Variants in PTPRD observed in about 807,000 individuals in gnomAD.
PTPRD encodes protein tyrosine phosphatase receptor type D.
Under a neutral mutation model 214.5 loss-of-function variants are expected in PTPRD, and 34 were observed. The ratio of observed to expected loss-of-function variants is 0.16; its 90% CI spans 0.12 to 0.21. PTPRD has a LOEUF of 0.21. Among genes scored for constraint, PTPRD ranks in the 10% least tolerant of loss-of-function variants. PTPRD has a pLI of 1.00. For synonymous variants in PTPRD, 1,128 were observed against 845.7 expected (o/e 1.33, Z -5.79); for missense variants, 2,545 against 2,398.7 (o/e 1.06, Z -1.27).
chr9:8,322,732 C>A (rs909529241), intron 44 of PTPRD, among the ~76,000 whole-genome samples: 2 of 152,088 alleles, frequency 1.3e-5, no homozygotes, highest in African/African-American at 4.8e-5. Flanking sequence ...AAGGTGGCTA[C>A]ATTAAAAAAG....
chr9:10,404,090 T>C (rs2098322503), intron 2 of PTPRD, among the ~76,000 whole-genome samples: 1 of 151,728 alleles, frequency 6.6e-6, no homozygotes, highest in African/African-American at 2.4e-5. Flanking sequence ...TACGTGAAGG[T>C]AGACAGTGTA....
At chr9:10,248,523 AAAAT>A (rs1564778872) in intron 3 of PTPRD, among the ~76,000 whole-genome samples, 5,115 of 41,210 alleles carry the variant, frequency 0.12, 206 homozygotes, top group East Asian at 0.21. Flanking sequence ...AAAAAAAAAA[AAAAT>A]AAAAAAAATA....
At chr9:8,728,459 A>G (rs1373526427) in intron 12 of PTPRD, among the ~76,000 whole-genome samples, 2 of 152,046 alleles carry the variant, frequency 1.3e-5, no homozygotes, top group African/African-American at 2.4e-5. Context: ...CAGTCTCCCA[A>G]TGTGCTGGAA....
In PTPRD at chr9:8,666,817, G is replaced by C. The variant is rs1020199703; in HGVS notation, c.65-29973C>G. 3.3e-5 allele frequency among the ~76,000 whole-genome samples: 5 copies of C among 152,090 alleles called. No homozygotes were observed. In the South Asian group the frequency reaches 6.2e-4, roughly 19 times the overall value. On this transcript the variant is annotated intron_variant, in intron 12 of 45. Coordinates refer to ENST00000381196, the MANE Select transcript of PTPRD (RefSeq NM_002839.4). ...CCTCGAGTGAATGCTACACCACCTGGATTCAACAATACATATCACTTTGGC... is the reference window on the plus strand; with the variant it reads ...CCTCGAGTGAATGCTACACCACCTGCATTCAACAATACATATCACTTTGGC...
At chr9:9,964,006 A>T (rs1430367574) in intron 4 of PTPRD, among the ~76,000 whole-genome samples, 1 of 152,146 alleles carries the variant, frequency 6.6e-6, no homozygotes, top group East Asian at 1.9e-4. Flanking sequence ...TCAGAGATTT[A>T]AAATGTGTAT....
chr9:8,647,277 T>C (rs990226082), intron 12 of PTPRD, among the ~76,000 whole-genome samples: 1 of 152,264 alleles, frequency 6.6e-6, no homozygotes, highest in African/African-American at 2.4e-5. Context: ...ACTTTACTCT[T>C]CTAATTGTAC....
intron 5 of PTPRD, among the ~76,000 whole-genome samples, chr9:9,931,775 G>A (rs573598046): frequency 1.6e-4 from 25 of 151,874 alleles, no homozygotes; most frequent in African/African-American, 6.0e-4. Context: ...CTGGGGGCAG[G>A]GCACAGACAA....
At chr9:8,839,538 T>A (rs1372401115) in intron 11 of PTPRD, among the ~76,000 whole-genome samples, 1 of 152,144 alleles carries the variant, frequency 6.6e-6, no homozygotes, top group Non-Finnish European at 1.5e-5. Context: ...TTGGCCAGGC[T>A]AGTCTCGAAT....
chr9:9,722,905 T>C (rs1022631279), intron 7 of PTPRD, among the ~76,000 whole-genome samples: 1 of 152,120 alleles, frequency 6.6e-6, no homozygotes, highest in Non-Finnish European at 1.5e-5. Context: ...CTTTTTATGT[T>C]TGAGTTGAGC....
At chr9:10,383,821 T>A (rs2097863114) in intron 2 of PTPRD, among the ~76,000 whole-genome samples, 1 of 151,922 alleles carries the variant, frequency 6.6e-6, no homozygotes, top group South Asian at 2.1e-4. Flanking sequence ...ACGATGGCAA[T>A]AGAAGAGTAT....
At chr9:8,804,701 C>T (rs2096640885) in intron 11 of PTPRD, among the ~76,000 whole-genome samples, 1 of 145,214 alleles carries the variant, frequency 6.9e-6, no homozygotes, top group African/African-American at 2.5e-5. Context: ...ACTCAGAATA[C>T]TCTAAAACTC....
intron 10 of PTPRD, among the ~76,000 whole-genome samples, chr9:9,084,013 G>C (rs926390700): frequency 6.6e-5 from 10 of 152,232 alleles, no homozygotes; most frequent in East Asian, 3.9e-4. Flanking sequence ...CGAGGACCTA[G>C]AACCAGAAAT....
intron 2 of PTPRD, among the ~76,000 whole-genome samples, chr9:10,380,053 G>T (rs2097790469): frequency 6.6e-6 from 1 of 152,038 alleles, no homozygotes; most frequent in Non-Finnish European, 1.5e-5. Flanking sequence ...TGGAAATGCT[G>T]GCCTCAAGCG....
In PTPRD at chr9:8,854,273, C is replaced by A. The variant is rs541316129; in HGVS notation, c.-103-120327G>T. ...CACAAGAGCACACACACACTTGACT[C>A]TTATACTGCCTGCAAATACACAATG... On this transcript the variant is annotated intron_variant, in intron 11 of 45. Transcript: ENST00000381196. 1.8e-4 allele frequency among the ~76,000 whole-genome samples: 28 copies of A among 152,262 alleles called. No individual in the cohort carries two copies. In the East Asian group the frequency reaches 1.9e-3, roughly 10 times the overall value.
At chr9:10,179,563 C>G (rs576273213) in intron 3 of PTPRD, among the ~76,000 whole-genome samples, 3 of 151,910 alleles carry the variant, frequency 2.0e-5, no homozygotes, top group Non-Finnish European at 4.4e-5. Flanking sequence ...AGGGGTCAGA[C>G]AGGGAAGTAA....
intron 3 of PTPRD, among the ~76,000 whole-genome samples, chr9:10,201,926 C>T (rs759864468): frequency 5.3e-5 from 8 of 151,608 alleles, no homozygotes; most frequent in Non-Finnish European, 1.5e-5. Context: ...TGTTTTTCTA[C>T]GTTCTCCAAG....
chr9:10,239,957 C>T (rs889669150), intron 3 of PTPRD, among the ~76,000 whole-genome samples: 1 of 151,814 alleles, frequency 6.6e-6, no homozygotes, highest in Non-Finnish European at 1.5e-5. Context: ...CCACCTCTTC[C>T]TGAGTCACGA....
chr9:9,227,204 A>G (rs2099960039), intron 9 of PTPRD, among the ~76,000 whole-genome samples: 1 of 152,142 alleles, frequency 6.6e-6, no homozygotes, highest in South Asian at 2.1e-4. Flanking sequence ...AAGTTTCCTT[A>G]CATACTGGTG....
At chr9:8,360,691 C>A (rs2078254228) in intron 39 of PTPRD, among the ~76,000 whole-genome samples, 1 of 152,042 alleles carries the variant, frequency 6.6e-6, no homozygotes, top group Non-Finnish European at 1.5e-5. Context: ...ATTGATTAGC[C>A]AATTACACTT....
Sources: gnomAD v4.1 joint callset for allele counts (sites outside exome capture counted in the v4.1 genomes callset) on GRCh38, gnomAD v4.1.1 for gene constraint, MANE v1.5 for transcripts, NCBI Gene and HGNC (gene_info 2026-07-23, HGNC 2026-07-21) for gene names.